Variants in OR10R2 observed in about 807,000 individuals in gnomAD.
OR10R2 encodes olfactory receptor family 10 subfamily R member 2.
OR10R2 carries 1 observed loss-of-function variant against 2.4 expected under a neutral mutation model. That is an observed-to-expected ratio of 0.41 (90% CI 0.15 to 1.95). The LOEUF is 1.95. OR10R2 is among the 30% of genes most tolerant of loss of function. The pLI is 0.30. For missense variants in OR10R2, 419 were observed against 373.0 expected (o/e 1.12, Z -1.01); for synonymous variants, 166 against 144.8 (o/e 1.15, Z -1.05).
chr1:158,473,559 G>A (rs1452362901), intron 1 of OR10R2, among the ~76,000 whole-genome samples: 1 of 152,158 alleles, frequency 6.6e-6, no homozygotes, highest in Non-Finnish European at 1.5e-5. Flanking sequence ...CCTAACACAG[G>A]AAAAGGCATT....
intron 1 of OR10R2, among the ~76,000 whole-genome samples, chr1:158,472,634 T>C (rs114893037): frequency 0.012 from 1,774 of 152,358 alleles, 37 homozygotes; most frequent in African/African-American, 0.039. Flanking sequence ...TTTAAAGATG[T>C]TAGCTAGTTA....
At chr1:158,475,142 A>G (rs1326991925) in intron 1 of OR10R2, among the ~76,000 whole-genome samples, 1 of 152,152 alleles carries the variant, frequency 6.6e-6, no homozygotes, top group East Asian at 1.9e-4. Flanking sequence ...TGGTACCCAA[A>G]GCCAAGTTAC....
rs774638346 is a variant in OR10R2, at chr1:158,479,964, C to T, written c.54C>T (p.Val18=). The T allele has an allele frequency of 3.1e-6, 5 of 1,613,852 alleles. No homozygotes were observed. In the South Asian group the frequency reaches 4.4e-5, roughly 14 times the overall value. Residue 18 remains valine, a synonymous_variant, in exon 2 of 2, where the codon GTC becomes GTT. Transcript: ENST00000641067. ...TCTTGGCAGAAAACCTCACCATGGT[C>T]ACCGAATTCCTGTTGCTGGGTTTTT...
intron 1 of OR10R2, 63 bp downstream of exon 1, chr1:158,472,415 T>C: frequency 2.5e-6 from 1 of 398,940 alleles, no homozygotes; most frequent in East Asian, 3.6e-5. Flanking sequence ...TGTAATATAT[T>C]GGGAATATGC....
intron 1 of OR10R2, 37 bp from the exon 2 acceptor site, chr1:158,479,901 A>T: frequency 6.2e-7 from 1 of 1,609,078 alleles, no homozygotes; most frequent in Non-Finnish European, 8.5e-7. Flanking sequence ...TTATATTCAC[A>T]TACCTGAATA....
exon 2 of OR10R2, chr1:158,480,447 C>A (rs144624013): frequency 1.9e-6 from 3 of 1,613,856 alleles, no homozygotes; most frequent in East Asian, 2.2e-5. Flanking sequence ...CTTTTTGTAG[C>A]GCCAACAAAG....
intron 1 of OR10R2, among the ~76,000 whole-genome samples, chr1:158,476,273 C>T (rs1271010360): frequency 1.3e-5 from 2 of 151,836 alleles, no homozygotes; most frequent in Non-Finnish European, 2.9e-5. Context: ...GTAGGCTGGG[C>T]GCAGTGGTTC....
intron 1 of OR10R2, among the ~76,000 whole-genome samples, chr1:158,477,281 A>G (rs1656289201): frequency 6.6e-6 from 1 of 152,202 alleles, no homozygotes; most frequent in African/African-American, 2.4e-5. Flanking sequence ...AAACAACACA[A>G]GGATACCCAT....
At chr1:158,475,707 A>T (rs142280909) in intron 1 of OR10R2, among the ~76,000 whole-genome samples, 1,989 of 151,654 alleles carry the variant, frequency 0.013, 37 homozygotes, top group African/African-American at 0.045. Flanking sequence ...CCTTTCTGTA[A>T]ATAAATATTT....
At chr1:158,474,974 A>C (rs1378283271) in intron 1 of OR10R2, among the ~76,000 whole-genome samples, 1 of 152,178 alleles carries the variant, frequency 6.6e-6, no homozygotes, top group Non-Finnish European at 1.5e-5. Flanking sequence ...AAATAATACC[A>C]CTAGATAGAG....
chr1:158,473,708 C>T (rs1361969474), intron 1 of OR10R2, among the ~76,000 whole-genome samples: 1 of 151,856 alleles, frequency 6.6e-6, no homozygotes. Flanking sequence ...CCTTGTCTTT[C>T]CTTCCTTTTT....
intron 1 of OR10R2, among the ~76,000 whole-genome samples, chr1:158,479,434 C>T (rs1656334416): frequency 1.3e-5 from 2 of 152,146 alleles, no homozygotes; most frequent in Admixed American, 1.3e-4. Flanking sequence ...ATATGTCTCA[C>T]ACTTTTTTGT....
chr1:158,472,483 T>G (rs1327037222), intron 1 of OR10R2, 131 bp downstream of exon 1: 1 of 397,064 alleles, frequency 2.5e-6, no homozygotes, highest in African/African-American at 2.1e-5. Flanking sequence ...GATTAAGATA[T>G]ACGGCAACTG....
At position 158,480,362 on chromosome 1, in the gene OR10R2, GA is replaced by G; in HGVS notation, c.456del (p.Lys152AsnfsTer17). 1 of 1,614,114 alleles carries G rather than the reference GA, an allele frequency of 6.2e-7. No individual in the cohort carries two copies. The highest frequency in any genetic ancestry group is 8.5e-7 in the Non-Finnish European group (1 of 1,179,994). The stretch of plus-strand genomic sequence containing the variant: ...ACTCTTATGAGCTGGCAGGTGTGTG[GA>G]AAACTGGCAGCTGCCTGTGCAATTG... On this transcript the variant is annotated frameshift_variant, in exon 2 of 2. Transcript: ENST00000641067. LOFTEE classifies it low-confidence loss of function (END_TRUNC).
intron 1 of OR10R2, among the ~76,000 whole-genome samples, chr1:158,477,021 A>G (rs1656285678): frequency 6.6e-6 from 1 of 152,170 alleles, no homozygotes; most frequent in African/African-American, 2.4e-5. Context: ...CCCATTCTGT[A>G]GGTTGTCTGG....
In OR10R2 at chr1:158,476,771, T is replaced by G. The variant is rs374226462; in HGVS notation, c.28-3167T>G. Among the ~76,000 whole-genome samples the G allele has an allele frequency of 1.3e-3, 203 of 152,120 alleles. 1 individual carries two copies. The highest frequency in any genetic ancestry group is 0.01 in the Middle Eastern group (3 of 294). ...GATACAAGTCTTTTATTTCATAGCA[T>G]TCTGACTGGTGTGAAATGGTATCTC... On this transcript the variant is annotated intron_variant, in intron 1 of 1. Transcript: ENST00000641067.
chr1:158,479,338 C>T (rs1049906440), intron 1 of OR10R2, among the ~76,000 whole-genome samples: 9 of 152,126 alleles, frequency 5.9e-5, no homozygotes, highest in Non-Finnish European at 8.8e-5. Context: ...TATTTTATTA[C>T]ATCTTTAAAC....
chr1:158,479,873 A>G (rs1438201736), intron 1 of OR10R2, 65 bp from the exon 2 acceptor site: 2 of 1,555,638 alleles, frequency 1.3e-6, no homozygotes, highest in Admixed American at 3.5e-5. Context: ...GGAACAAAGG[A>G]GTGCATGCCC....
exon 2 of OR10R2, chr1:158,480,503 G>C (rs1427918025): frequency 1.9e-6 from 3 of 1,613,610 alleles, no homozygotes; most frequent in Non-Finnish European, 2.5e-6. Flanking sequence ...CTTCTGGCTT[G>C]TACCAACACA....
Sources: allele counts gnomAD v4.1 joint callset (sites outside exome capture counted in the v4.1 genomes callset), GRCh38; gene constraint gnomAD v4.1.1; transcripts MANE v1.5; gene names NCBI Gene and HGNC (gene_info 2026-07-23, HGNC 2026-07-21).